The following ADIPOR2 variants were observed in gnomAD, a reference collection of about 807,000 sequenced individuals.
The protein encoded by ADIPOR2 is adiponectin receptor 2, also known as adiponectin receptor protein 2.
A neutral mutation model predicts 40.9 loss-of-function variants in ADIPOR2; 18 were observed. That is an observed-to-expected ratio of 0.44 (90% confidence interval 0.30 to 0.65). The LOEUF (loss-of-function observed/expected upper bound fraction) is 0.65. ADIPOR2 is among the 30% of genes least tolerant of loss of function. The pLI, the probability that ADIPOR2 is intolerant of heterozygous loss-of-function variation, is 0.09. For missense variants in ADIPOR2, 283 were observed against 479.2 expected, an observed-to-expected ratio of 0.59 and a Z score of 3.82; for synonymous variants, 165 against 166.4, an observed-to-expected ratio of 0.99 and a Z score of 0.06.
At chr12:1,774,102 T>TA (rs753870558) in intron 3 of ADIPOR2, among the ~76,000 whole-genome samples, 6 of 152,204 alleles carry the variant, frequency 3.9e-5, no homozygotes, top group Non-Finnish European at 8.8e-5. Context: ...CACAAAGGGA[T>TA]ACAAAAGATT....
chr12:1,753,391 GAA>G (rs1456665186), intron 1 of ADIPOR2, among the ~76,000 whole-genome samples: 1 of 152,238 alleles, frequency 6.6e-6, no homozygotes, highest in African/African-American at 2.4e-5. Flanking sequence ...AGTTTAGAGA[GAA>G]ATTAATGATT....
intron 1 of ADIPOR2, among the ~76,000 whole-genome samples, chr12:1,710,038 T>A (rs2094673021): frequency 1.3e-5 from 2 of 152,154 alleles, no homozygotes; most frequent in South Asian, 4.1e-4. Flanking sequence ...ATGGTGTAAA[T>A]GAGAGGATTG....
intron 1 of ADIPOR2, among the ~76,000 whole-genome samples, chr12:1,751,912 TTTTC>T (rs750586193): frequency 9.3e-5 from 14 of 150,752 alleles, no homozygotes; most frequent in Non-Finnish European, 1.6e-4. Context: ...TTTTCTTTTC[TTTTC>T]TTTCTTTCTT....
intron 1 of ADIPOR2, among the ~76,000 whole-genome samples, chr12:1,752,409 A>G (rs2094771453): frequency 6.6e-6 from 1 of 151,842 alleles, no homozygotes; most frequent in African/African-American, 2.4e-5. Flanking sequence ...TAGTGTGGTG[A>G]TATTTCAAGA....
At chr12:1,721,170 T>C (rs2094697122) in intron 1 of ADIPOR2, among the ~76,000 whole-genome samples, 1 of 151,032 alleles carries the variant, frequency 6.6e-6, no homozygotes, top group African/African-American at 2.4e-5. Flanking sequence ...GGCTGTGTCA[T>C]GGGAGCGTCC....
intron 3 of ADIPOR2, among the ~76,000 whole-genome samples, chr12:1,777,583 C>T (rs745628552): frequency 1.3e-5 from 2 of 151,624 alleles, no homozygotes; most frequent in African/African-American, 4.8e-5. Context: ...AGATGGGGTT[C>T]GAGCTCCTGA....
intron 3 of ADIPOR2, among the ~76,000 whole-genome samples, chr12:1,777,098 T>C (rs567675693): frequency 1.3e-5 from 2 of 152,188 alleles, no homozygotes; most frequent in African/African-American, 4.8e-5. Context: ...GAGGGAGAGA[T>C]TTTAGCAAAA....
intron 1 of ADIPOR2, among the ~76,000 whole-genome samples, chr12:1,750,378 G>A (rs1272374629): frequency 1.3e-5 from 2 of 148,202 alleles, no homozygotes; most frequent in Non-Finnish European, 1.5e-5. Flanking sequence ...GGGCAACATA[G>A]CGAGACTCCA....
chr12:1,772,089 A>G (rs1277201489), intron 2 of ADIPOR2, among the ~76,000 whole-genome samples: 1 of 152,208 alleles, frequency 6.6e-6, no homozygotes, highest in Non-Finnish European at 1.5e-5. Flanking sequence ...CTAAACCAGT[A>G]TGAACCTTGG....
intron 1 of ADIPOR2, among the ~76,000 whole-genome samples, chr12:1,730,489 C>A (rs958686967): frequency 6.6e-6 from 1 of 151,744 alleles, no homozygotes; most frequent in African/African-American, 2.4e-5. Flanking sequence ...CGGTGGCGGG[C>A]GCCTGTAGTC....
chr12:1,780,736 A>G (rs1294280872), intron 5 of ADIPOR2, 99 bp downstream of exon 5: 15 of 1,396,496 alleles, frequency 1.1e-5, no homozygotes, highest in Non-Finnish European at 1.1e-5. Flanking sequence ...ATATCATCTC[A>G]TGCAAACTTT....
At chr12:1,757,294 A>G (rs1158085282) in intron 2 of ADIPOR2, 3 of 645,518 alleles carry the variant, frequency 4.6e-6, no homozygotes, top group Non-Finnish European at 8.5e-6. Context: ...TGAGGCAGAT[A>G]CCCTTTTCCT....
chr12:1,784,143 C>G (rs1227621736), intron 7 of ADIPOR2, 70 bp downstream of exon 7: 4 of 1,428,110 alleles, frequency 2.8e-6, no homozygotes, highest in Non-Finnish European at 3.7e-6. Context: ...CAGAGTGATG[C>G]AATAGAAAAA....
intron 1 of ADIPOR2, among the ~76,000 whole-genome samples, chr12:1,744,459 G>T (rs2094750547): frequency 6.6e-6 from 1 of 151,098 alleles, no homozygotes; most frequent in Non-Finnish European, 1.5e-5. Context: ...ACCCTGGCTG[G>T]TTAGTAGTTG....
At chr12:1,721,891 A>G (rs1378253667) in intron 1 of ADIPOR2, among the ~76,000 whole-genome samples, 2 of 152,202 alleles carry the variant, frequency 1.3e-5, no homozygotes, top group South Asian at 2.1e-4. Context: ...TGTGGCTGGA[A>G]TGTAATGGGC....
chr12:1,729,539 C>G (rs1237977944), intron 1 of ADIPOR2, among the ~76,000 whole-genome samples: 5 of 147,278 alleles, frequency 3.4e-5, no homozygotes, highest in Non-Finnish European at 7.4e-5. Flanking sequence ...TCTCAAACTT[C>G]TGGGCTCAAG....
At chr12:1,735,203 G>A (rs915999303) in intron 1 of ADIPOR2, among the ~76,000 whole-genome samples, 70 of 152,260 alleles carry the variant, frequency 4.6e-4, no homozygotes, top group African/African-American at 1.6e-3. Context: ...CCATTTTCAC[G>A]ATACTGATTC....
chr12:1,715,885 T>G (rs1180912036), intron 1 of ADIPOR2, among the ~76,000 whole-genome samples: 1 of 152,112 alleles, frequency 6.6e-6, no homozygotes, highest in Non-Finnish European at 1.5e-5. Context: ...CAGTGCCCTG[T>G]AAAATGGACC....
chr12:1,716,239 T>C (rs2094687410), intron 1 of ADIPOR2, among the ~76,000 whole-genome samples: 2 of 152,260 alleles, frequency 1.3e-5, no homozygotes. Context: ...GAGAGCAGTG[T>C]AATTCTGATG....
Sources: gnomAD v4.1 joint callset for allele counts (sites outside exome capture counted in the v4.1 genomes callset) on GRCh38, gnomAD v4.1.1 for gene constraint, MANE v1.5 for transcripts, NCBI Gene and HGNC (gene_info 2026-07-23, HGNC 2026-07-21) for gene names.